The following AGPAT4 variants were observed in gnomAD, a reference collection of about 807,000 sequenced individuals.
AGPAT4 encodes the protein 1-acylglycerol-3-phosphate O-acyltransferase 4, also known as 1-acyl-sn-glycerol-3-phosphate acyltransferase delta.
Under a neutral mutation model 48.0 loss-of-function variants are expected in AGPAT4, and 15 were observed. That is an observed-to-expected ratio of 0.31 (90% confidence interval 0.21 to 0.48). The LOEUF is 0.48. AGPAT4 is among the 20% of genes least tolerant of loss of function. The probability of loss-of-function intolerance (pLI) is 0.99; values close to 1 mark genes in which losing one functional copy is unlikely to be tolerated. For missense variants in AGPAT4, 314 were observed against 482.5 expected, an observed-to-expected ratio of 0.65 and a Z score of 3.27; for synonymous variants, 178 against 198.7, an observed-to-expected ratio of 0.90 and a Z score of 0.88.
At position 161,244,049 on chromosome 6, in the gene AGPAT4, G is replaced by A. The variant is rs188392287; in HGVS notation, c.-89-11747C>T. On this transcript the variant is annotated intron_variant, in intron 1 of 8. Transcript: ENST00000320285. The surrounding 1 kb of genome is among the most constrained non-coding windows in gnomAD (Gnocchi z 4.7). ...CATTGAAGAAATGAGTTGAATACTC[G>A]ATGTAGGCCTTGTTTCCACCTTGTG... Among the ~76,000 whole-genome samples the A allele has an allele frequency of 9.5e-4, 144 of 152,284 alleles. No individual in the cohort carries two copies. Among genetic ancestry groups the A allele is most frequent in the Non-Finnish European group, 1.3e-3 (88 of 68,034 alleles).
chr6:161,137,245 A>C lies in AGPAT4; in HGVS notation c.1043-611T>G, dbSNP rs574272083. ...ATGCTCAGAAGTTGCAATTTCAACT[A>C]CACCCTCTGGAGCGGGCAGATGTGG... On this transcript the variant is annotated intron_variant, in intron 8 of 8. Transcript: ENST00000320285. The surrounding 1 kb of genome is among the most constrained non-coding windows in gnomAD (Gnocchi z 6.1). Among the ~76,000 whole-genome samples the C allele has an allele frequency of 3.3e-5, 5 of 152,310 alleles. No homozygotes were observed. Among genetic ancestry groups the C allele is most frequent in the African/African-American group, 1.2e-4 (5 of 41,570 alleles).
intron 1 of AGPAT4, among the ~76,000 whole-genome samples, chr6:161,260,370 A>G (rs1053772979): frequency 3.9e-5 from 6 of 152,128 alleles, no homozygotes; most frequent in Admixed American, 3.9e-4. Flanking sequence ...TTTGAAAATA[A>G]AAAGCCAGGC....
chr6:161,135,274 C>T lies in AGPAT4; in HGVS notation c.*1266G>A, dbSNP rs369862930. 6.6e-6 allele frequency: 1 copy of T among 152,268 alleles called. No individual in the cohort carries two copies. Among genetic ancestry groups the T allele is most frequent in the East Asian group, 1.9e-4 (1 of 5,196 alleles). 9.4% of individuals were successfully genotyped at this position (152,268 alleles called of 1,614,324 possible). ...AAAGACATATCCTTCCTAACTCATG[C>T]TCCAAATACCTATCGGTCCAAGTGC... is the stretch of plus-strand genomic sequence containing the variant. On this transcript the variant is annotated 3_prime_UTR_variant, in exon 9 of 9. Transcript: ENST00000320285.
chr6:161,265,954 C>T (rs890670718), intron 1 of AGPAT4, among the ~76,000 whole-genome samples: 10 of 152,166 alleles, frequency 6.6e-5, no homozygotes, highest in African/African-American at 1.4e-4. Context: ...TGAATTGCCA[C>T]TTTGGTTAGG....
chr6:161,199,507 G>T (rs1010000435), intron 2 of AGPAT4, among the ~76,000 whole-genome samples: 3 of 152,204 alleles, frequency 2.0e-5, no homozygotes, highest in African/African-American at 7.2e-5. Flanking sequence ...ACAGCCCCTT[G>T]TTGATGACAG....
rs1161268110 is a variant in AGPAT4 at position 161,226,064 on chromosome 6, T to C, written c.178+5972A>G. ...CCCTCTTCTGGGAAGGCGATCACCA[T>C]CTGGGAACTGATAAGGATGACTCTT... On this transcript the variant is annotated intron_variant, in intron 2 of 8. Coordinates refer to ENST00000320285, the MANE Select transcript of AGPAT4 (RefSeq NM_020133.3). This position sits in a 1 kb window ranked among gnomAD's most constrained non-coding sequence, Gnocchi z 6.3. 6.6e-6 allele frequency among the ~76,000 whole-genome samples: 1 copy of C among 152,118 alleles called. No individual in the cohort carries two copies. The highest frequency in any genetic ancestry group is 2.4e-5 in the African/African-American group (1 of 41,418).
In AGPAT4 at chr6:161,225,575, AG is replaced by A. The variant is rs1232474244; in HGVS notation, c.178+6460del. Among the ~76,000 whole-genome samples, 1 of 152,210 alleles carries A rather than the reference AG, an allele frequency of 6.6e-6. No individual in the cohort carries two copies. The highest frequency in any genetic ancestry group is 2.4e-5 in the African/African-American group (1 of 41,454). On this transcript the variant is annotated intron_variant, in intron 2 of 8. Coordinates refer to ENST00000320285, the MANE Select transcript of AGPAT4 (RefSeq NM_020133.3). This position sits in a 1 kb window ranked among gnomAD's most constrained non-coding sequence, Gnocchi z 5.0. ...ACACCCCTTAGAACTAGAAAAGAAA[AG>A]AAGGAAGGTTGCTTTTCGTCAGTTT...
Position 161,138,579 on chromosome 6 carries a change from G to T in AGPAT4, c.1042+843C>A, listed in dbSNP as rs1020425247. Among the ~76,000 whole-genome samples, 5 of 152,148 alleles carry T rather than the reference G, an allele frequency of 3.3e-5. No homozygotes were observed. Among genetic ancestry groups the T allele is most frequent in the African/African-American group, 1.2e-4 (5 of 41,430 alleles). On this transcript the variant is annotated intron_variant, in intron 8 of 8. Transcript: ENST00000320285. The surrounding 1 kb of genome is among the most constrained non-coding windows in gnomAD (Gnocchi z 4.8). ...TCTCCTGACACACTTTCCATTTTCT[G>T]CGCTTGTCTATTGCTTGGGCCTTTT... is the stretch of plus-strand genomic sequence containing the variant.
chr6:161,194,360 T>C (rs1781003426), intron 2 of AGPAT4, among the ~76,000 whole-genome samples: 1 of 152,190 alleles, frequency 6.6e-6, no homozygotes, highest in African/African-American at 2.4e-5. Context: ...GGCAATGTTA[T>C]AATGATGCTT....
Position 161,240,231 on chromosome 6 carries a change from C to T in AGPAT4, c.-89-7929G>A, listed in dbSNP as rs1212436419. Among the ~76,000 whole-genome samples the T allele has an allele frequency of 1.7e-5, 1 of 60,412 alleles. No individual in the cohort carries two copies. Among genetic ancestry groups the T allele is most frequent in the Non-Finnish European group, 3.7e-5 (1 of 27,090 alleles). 39.6% of individuals were successfully genotyped at this position (60,412 alleles called of 152,430 possible). A position where few individuals can be genotyped will look rare whatever the true frequency, so the allele number is the denominator to read the frequency against. Reference sequence around the variant, plus strand: ...AGATATCTTTGTGTATACACACACACACACACACACACACACACACACACA... The same window carrying T: ...AGATATCTTTGTGTATACACACACATACACACACACACACACACACACACA... On this transcript the variant is annotated intron_variant, in intron 1 of 8. Transcript: ENST00000320285. This position sits in a 1 kb window ranked among gnomAD's most constrained non-coding sequence, Gnocchi z 5.5.
intron 5 of AGPAT4, among the ~76,000 whole-genome samples, chr6:161,152,003 A>C (rs932165692): frequency 6.6e-6 from 1 of 152,222 alleles, no homozygotes; most frequent in Non-Finnish European, 1.5e-5. Context: ...GAGGCTGGGC[A>C]GAGGGGAAGG....
rs188140751 is a variant in AGPAT4, at chr6:161,199,225, G to A, written c.179-32808C>T. Among the ~76,000 whole-genome samples the A allele has an allele frequency of 1.2e-4, 19 of 152,186 alleles. No individual in the cohort carries two copies. In the South Asian group the frequency reaches 2.1e-3, roughly 17 times the overall value. ...GCTTTTCTATAGGACTGCGAATGTC[G>A]TCAGCAGGCATTTGTTCACCATCTC... On this transcript the variant is annotated intron_variant, in intron 2 of 8. Transcript: ENST00000320285.
intron 1 of AGPAT4, among the ~76,000 whole-genome samples, chr6:161,241,648 T>C (rs2115044223): frequency 6.6e-6 from 1 of 152,380 alleles, no homozygotes; most frequent in Admixed American, 6.5e-5. Flanking sequence ...TGGTAACTTA[T>C]TCTGTCATGA....
At chr6:161,258,187 TGA>T (rs1336761096) in intron 1 of AGPAT4, among the ~76,000 whole-genome samples, 3 of 152,226 alleles carry the variant, frequency 2.0e-5, no homozygotes, top group Non-Finnish European at 2.9e-5. Context: ...CCTCAAAGAC[TGA>T]GAGTGGCAGT....
rs965392038 is a variant in AGPAT4 at position 161,206,915 on chromosome 6, G to A, written c.178+25121C>T. 1.3e-5 allele frequency among the ~76,000 whole-genome samples: 2 copies of A among 152,178 alleles called. No individual in the cohort carries two copies. Among genetic ancestry groups the A allele is most frequent in the African/African-American group, 4.8e-5 (2 of 41,428 alleles). The stretch of plus-strand genomic sequence containing the variant: ...ATGAGCTCAGCAGAAGAGTGAAGGA[G>A]GCAGAGGAAAGAACCAGTGAACTCA... On this transcript the variant is annotated intron_variant, in intron 2 of 8. Coordinates refer to ENST00000320285, the MANE Select transcript of AGPAT4 (RefSeq NM_020133.3). The surrounding 1 kb of genome is among the most constrained non-coding windows in gnomAD (Gnocchi z 4.8).
In AGPAT4 at chr6:161,262,545, C is replaced by T. The variant is rs116489768; in HGVS notation, c.-90+11393G>A. The stretch of plus-strand genomic sequence containing the variant: ...TGGTTTGCTTGTCCCTGGGCAAAGT[C>T]CCCAGCCTAGAGTTCCTCCTTCCAC... On this transcript the variant is annotated intron_variant, in intron 1 of 8. Coordinates refer to ENST00000320285, the MANE Select transcript of AGPAT4 (RefSeq NM_020133.3). The surrounding 1 kb of genome is among the most constrained non-coding windows in gnomAD (Gnocchi z 4.9). 6.6e-6 allele frequency among the ~76,000 whole-genome samples: 1 copy of T among 152,106 alleles called. No individual in the cohort carries two copies. Among genetic ancestry groups the T allele is most frequent in the Non-Finnish European group, 1.5e-5 (1 of 68,020 alleles).
intron 2 of AGPAT4, among the ~76,000 whole-genome samples, chr6:161,194,422 C>A (rs1781004484): frequency 6.7e-6 from 1 of 149,058 alleles, no homozygotes; most frequent in Non-Finnish European, 1.5e-5. Context: ...CCATTCCTTT[C>A]CAGAGTAGTG....
rs1374297697 is a variant in AGPAT4, at chr6:161,165,120, A to G, written c.348+1128T>C. On this transcript the variant is annotated intron_variant, in intron 3 of 8. Transcript: ENST00000320285. This position sits in a 1 kb window ranked among gnomAD's most constrained non-coding sequence, Gnocchi z 5.5. ...CTCTCATCAGAGAGAATAAATCCACAAAGCTGTAACTCAGATCTCTGCCCA... is the reference window on the plus strand; with the variant it reads ...CTCTCATCAGAGAGAATAAATCCACGAAGCTGTAACTCAGATCTCTGCCCA... Among the ~76,000 whole-genome samples the G allele has an allele frequency of 6.6e-6, 1 of 152,220 alleles. No individual in the cohort carries two copies. Among genetic ancestry groups the G allele is most frequent in the African/African-American group, 2.4e-5 (1 of 41,462 alleles).
In AGPAT4 at chr6:161,137,688, G is replaced by A. The variant is rs1351529467; in HGVS notation, c.1043-1054C>T. Among the ~76,000 whole-genome samples the A allele has an allele frequency of 1.3e-5, 2 of 152,174 alleles. No individual in the cohort carries two copies. Among genetic ancestry groups the A allele is most frequent in the Admixed American group, 6.5e-5 (1 of 15,282 alleles). On this transcript the variant is annotated intron_variant, in intron 8 of 8. Transcript: ENST00000320285. The surrounding 1 kb of genome is among the most constrained non-coding windows in gnomAD (Gnocchi z 6.1). ...CCTTCAGGGAAGAATGCAGTCAGGC[G>A]CAGGCTCAGAGTAATGGGGCACGGC...
Sources: gnomAD v4.1 joint callset for allele counts (sites outside exome capture counted in the v4.1 genomes callset) on GRCh38, gnomAD v4.1.1 for gene constraint, Gnocchi (gnomAD v3.1) non-coding constraint, MANE v1.5 for transcripts, NCBI Gene and HGNC (gene_info 2026-07-23, HGNC 2026-07-21) for gene names.